The following DCC variants were observed in gnomAD, a reference collection of about 807,000 sequenced individuals.
The protein encoded by DCC is DCC netrin 1 receptor.
DCC carries 58 observed loss-of-function variants against 172.5 expected under a neutral mutation model. The ratio of observed to expected loss-of-function variants is 0.34; its 90% confidence interval spans 0.27 to 0.42. The LOEUF is 0.42. Among genes scored for constraint, DCC ranks in the 10% least tolerant of loss-of-function variants. The pLI is 1.00. For missense variants in DCC, 1,740 were observed against 1,791.0 expected, an observed-to-expected ratio of 0.97 and a Z score of 0.51; for synonymous variants, 709 against 644.5, an observed-to-expected ratio of 1.10 and a Z score of -1.52.
At chr18:52,468,873 C>A (rs1430402244) in intron 1 of DCC, among the ~76,000 whole-genome samples, 1 of 152,016 alleles carries the variant, frequency 6.6e-6, no homozygotes, top group Non-Finnish European at 1.5e-5. Context: ...TGTCTAACTG[C>A]TCCTCTCCTT....
intron 2 of DCC, among the ~76,000 whole-genome samples, chr18:52,876,305 G>A (rs1291411504): frequency 6.6e-6 from 1 of 152,122 alleles, no homozygotes; most frequent in Non-Finnish European, 1.5e-5. Context: ...CCACTTTGGT[G>A]CTGATCTACA....
chr18:52,975,891 G>A (rs1270922631), intron 5 of DCC, among the ~76,000 whole-genome samples: 4 of 152,202 alleles, frequency 2.6e-5, no homozygotes, highest in East Asian at 1.9e-4. Flanking sequence ...GGATTGCTGG[G>A]TCAAATGGTA....
chr18:52,627,630 A>G lies in DCC; in HGVS notation c.92-124424A>G, dbSNP rs1166083989. Among the ~76,000 whole-genome samples, 4 of 152,004 alleles carry G rather than the reference A, an allele frequency of 2.6e-5. No individual in the cohort carries two copies. In the East Asian group the frequency reaches 7.7e-4, roughly 29 times the overall value. ...CAACTTCTTTCTGTAGAGAAAACAA[A>G]ACAAACAAACAACAGCAACAACAAA... On this transcript the variant is annotated intron_variant, in intron 1 of 28. Transcript: ENST00000442544.
At chr18:52,579,733 C>A (rs1306166422) in intron 1 of DCC, among the ~76,000 whole-genome samples, 1 of 152,078 alleles carries the variant, frequency 6.6e-6, no homozygotes, top group Non-Finnish European at 1.5e-5. Flanking sequence ...TTAGGATGGA[C>A]CTATCTGGAA....
rs911128140 is a variant in DCC, at chr18:52,660,544, G to C, written c.92-91510G>C. Among the ~76,000 whole-genome samples, 8 of 152,144 alleles carry C rather than the reference G, an allele frequency of 5.3e-5. 1 individual carries two copies. The East Asian group carries it at 1.2e-3, about 22-fold the overall frequency. On this transcript the variant is annotated intron_variant, in intron 1 of 28. Coordinates refer to ENST00000442544, the MANE Select transcript of DCC (RefSeq NM_005215.4). ...AGAGAAGAATGAATCTGAGGGAGTA[G>C]AGTCCCCTGGGGTCAAGGTGACAAA... is the stretch of plus-strand genomic sequence containing the variant.
chr18:52,652,273 G>C (rs1448885734), intron 1 of DCC, among the ~76,000 whole-genome samples: 1 of 152,194 alleles, frequency 6.6e-6, no homozygotes, highest in East Asian at 1.9e-4. Flanking sequence ...TGGGCACTTG[G>C]AGACTAGGTT....
intron 5 of DCC, among the ~76,000 whole-genome samples, chr18:52,958,563 A>T (rs1417379785): frequency 2.0e-5 from 3 of 152,158 alleles, no homozygotes; most frequent in Non-Finnish European, 4.4e-5. Flanking sequence ...GAAATATTTC[A>T]AAACTCTAGG....
At chr18:53,397,267 G>C (rs769057328) in intron 17 of DCC, 41 bp from the exon 18 acceptor site, 8 of 1,583,606 alleles carry the variant, frequency 5.1e-6, no homozygotes, top group South Asian at 2.2e-5. Context: ...CAAGTTGATA[G>C]AGTTTATTTT....
intron 1 of DCC, among the ~76,000 whole-genome samples, chr18:52,690,295 T>A (rs935129306): frequency 7.9e-5 from 12 of 152,026 alleles, no homozygotes; most frequent in African/African-American, 2.7e-4. Flanking sequence ...CTCAGCTGGG[T>A]GCAGAAAAAG....
chr18:52,356,687 A>C (rs1984378112), intron 1 of DCC, among the ~76,000 whole-genome samples: 1 of 152,210 alleles, frequency 6.6e-6, no homozygotes, highest in Non-Finnish European at 1.5e-5. Flanking sequence ...AAAATGGCTA[A>C]GTTATCTCAC....
At chr18:53,208,083 G>T (rs1322669668) in intron 11 of DCC, among the ~76,000 whole-genome samples, 1 of 150,788 alleles carries the variant, frequency 6.6e-6, no homozygotes, top group East Asian at 2.0e-4. Flanking sequence ...GAACAACATA[G>T]TGAGACCCTA....
intron 5 of DCC, among the ~76,000 whole-genome samples, chr18:53,007,890 G>A (rs906196858): frequency 3.9e-5 from 6 of 152,000 alleles, no homozygotes; most frequent in South Asian, 2.1e-4. Flanking sequence ...CCTAAAAACC[G>A]CCTTTGGGCT....
At chr18:53,012,357 C>G (rs1445321109) in intron 5 of DCC, among the ~76,000 whole-genome samples, 1 of 151,894 alleles carries the variant, frequency 6.6e-6, no homozygotes, top group Non-Finnish European at 1.5e-5. Flanking sequence ...AATTAATGCA[C>G]AAATTGATGT....
At chr18:53,112,315 A>C (rs1598813804) in intron 7 of DCC, among the ~76,000 whole-genome samples, 1 of 151,540 alleles carries the variant, frequency 6.6e-6, no homozygotes. Context: ...AAATTAAGTG[A>C]ATATATACTC....
intron 12 of DCC, among the ~76,000 whole-genome samples, chr18:53,254,052 A>G (rs2056474706): frequency 6.6e-6 from 1 of 152,164 alleles, no homozygotes; most frequent in Admixed American, 6.5e-5. Flanking sequence ...AAACATCAGG[A>G]GAGTTGTAAA....
chr18:52,551,188 G>T (rs1017667840), intron 1 of DCC, among the ~76,000 whole-genome samples: 1 of 151,994 alleles, frequency 6.6e-6, no homozygotes, highest in Non-Finnish European at 1.5e-5. Flanking sequence ...GGAGATCATG[G>T]CAGAGCGGAC....
chr18:53,076,210 G>A lies in DCC; in HGVS notation c.1261+10044G>A, dbSNP rs144159472. 1.6e-3 allele frequency among the ~76,000 whole-genome samples: 247 copies of A among 152,262 alleles called. 1 individual carries two copies. Among genetic ancestry groups the A allele is most frequent in the Middle Eastern group, 0.01 (3 of 294 alleles). ...AATAGCTCAAATTTCAATGATAGAA[G>A]CATTCCTCCTTTGTGAATTAGGACT... On this transcript the variant is annotated intron_variant, in intron 7 of 28. Transcript: ENST00000442544.
intron 1 of DCC, among the ~76,000 whole-genome samples, chr18:52,556,738 CATGA>C (rs1197904116): frequency 1.3e-5 from 2 of 152,068 alleles, no homozygotes; most frequent in African/African-American, 4.8e-5. Flanking sequence ...CCCCCCACCT[CATGA>C]ATAATTGCAC....
intron 13 of DCC, among the ~76,000 whole-genome samples, chr18:53,309,161 C>T (rs541794151): frequency 3.4e-4 from 52 of 152,202 alleles, no homozygotes; most frequent in Non-Finnish European, 4.9e-4. Context: ...CCTCGGCCTA[C>T]GGAGCAGCTG....
Sources: allele counts gnomAD v4.1 joint callset (sites outside exome capture counted in the v4.1 genomes callset), GRCh38; gene constraint gnomAD v4.1.1; transcripts MANE v1.5; gene names NCBI Gene and HGNC (gene_info 2026-07-23, HGNC 2026-07-21).